Variants in SNX7 observed in about 807,000 individuals in gnomAD.
SNX7 encodes the protein sorting nexin-7.
A neutral mutation model predicts 48.4 loss-of-function variants in SNX7; 35 were observed. The ratio of observed to expected loss-of-function variants is 0.72; its 90% CI spans 0.55 to 0.96. The LOEUF is 0.96. Among genes scored for constraint, SNX7 ranks in the 40% least tolerant of loss-of-function variants. SNX7 has a pLI of 0.00. For missense variants in SNX7, 553 were observed against 548.9 expected, an observed-to-expected ratio of 1.01 and a Z score of -0.07; for synonymous variants, 190 against 190.2, an observed-to-expected ratio of 1.00 and a Z score of 0.01.
intron 7 of SNX7, among the ~76,000 whole-genome samples, chr1:98,715,709 C>A (rs1313072517): frequency 6.6e-6 from 1 of 152,180 alleles, no homozygotes; most frequent in Non-Finnish European, 1.5e-5. Flanking sequence ...GCTTCTGATA[C>A]AACAAAACGT....
In SNX7 at chr1:98,663,252, G is replaced by GTTTTTTT. The variant is rs1491348958; in HGVS notation, c.180+1341_180+1342insTTTTTTT. ...ATCAGAATCATCAGGGTTTCTTTCT[G>GTTTTTTT]GTTTTTTTTTTTTTTTTTTTTTTTT... On this transcript the variant is annotated intron_variant, in intron 1 of 8. Transcript: ENST00000306121. Among the ~76,000 whole-genome samples the GTTTTTTT allele has an allele frequency of 5.1e-4, 42 of 83,158 alleles. 18 individuals are homozygous for GTTTTTTT. The highest frequency in any genetic ancestry group is 0.011 in the Middle Eastern group (2 of 174). The allele number at this position is 83,158 out of a possible 152,430, so 54.6% of individuals were successfully genotyped here.
intron 7 of SNX7, among the ~76,000 whole-genome samples, chr1:98,717,951 A>G (rs1414765108): frequency 6.6e-6 from 1 of 152,132 alleles, no homozygotes; most frequent in African/African-American, 2.4e-5. Context: ...AATGCATTCA[A>G]AATAAACCTT....
At chr1:98,758,731 C>A (rs1310320542) in intron 8 of SNX7, among the ~76,000 whole-genome samples, 2 of 151,930 alleles carry the variant, frequency 1.3e-5, no homozygotes, top group Non-Finnish European at 2.9e-5. Flanking sequence ...TACCCAGTAT[C>A]TTTTTATTTG....
At chr1:98,711,912 G>C (rs1312530990) in intron 7 of SNX7, among the ~76,000 whole-genome samples, 1 of 152,150 alleles carries the variant, frequency 6.6e-6, no homozygotes, top group Admixed American at 6.5e-5. Flanking sequence ...ATAATATTCT[G>C]AGTTCTTTGT....
chr1:98,698,581 T>G (rs1651579555), intron 5 of SNX7, 125 bp from the exon 6 acceptor site: 2 of 843,392 alleles, frequency 2.4e-6, no homozygotes, highest in East Asian at 2.7e-5. Context: ...ATCCGTTTTC[T>G]TATGTTCTTG....
chr1:98,708,201 C>T (rs1337364994), intron 7 of SNX7, among the ~76,000 whole-genome samples: 2 of 152,178 alleles, frequency 1.3e-5, no homozygotes, highest in African/African-American at 2.4e-5. Flanking sequence ...GTCTGTCTCT[C>T]ATGCACAGAT....
chr1:98,671,882 T>G (rs1195922629), intron 1 of SNX7, among the ~76,000 whole-genome samples: 1 of 152,192 alleles, frequency 6.6e-6, no homozygotes, highest in East Asian at 1.9e-4. Flanking sequence ...ATAGTTTTAT[T>G]TTTAGATAAG....
chr1:98,707,569 G>C (rs781387723), intron 7 of SNX7, among the ~76,000 whole-genome samples: 1 of 152,106 alleles, frequency 6.6e-6, no homozygotes, highest in African/African-American at 2.4e-5. Context: ...AATAAATAAG[G>C]TTCATCTGTG....
chr1:98,736,109 A>G (rs1216579224), intron 7 of SNX7, among the ~76,000 whole-genome samples: 3 of 152,196 alleles, frequency 2.0e-5, no homozygotes, highest in African/African-American at 7.2e-5. Context: ...CAGTGACACC[A>G]TTATAAGCTC....
chr1:98,744,739 A>G (rs1214266325), intron 8 of SNX7, among the ~76,000 whole-genome samples: 1 of 152,034 alleles, frequency 6.6e-6, no homozygotes, highest in African/African-American at 2.4e-5. Context: ...ACATTTGAAG[A>G]GGTAATAAAA....
intron 7 of SNX7, among the ~76,000 whole-genome samples, chr1:98,727,375 C>G (rs958293202): frequency 5.9e-5 from 9 of 152,016 alleles, no homozygotes; most frequent in African/African-American, 1.9e-4. Context: ...GCTCAGCAAC[C>G]TCAAAGATTA....
rs551916599 is a variant in SNX7, at chr1:98,681,780, T to C, written c.181-3105T>C. Among the ~76,000 whole-genome samples, 5 of 152,224 alleles carry C rather than the reference T, an allele frequency of 3.3e-5. No homozygotes were observed. In the South Asian group the frequency reaches 1.0e-3, roughly 32 times the overall value. On this transcript the variant is annotated intron_variant, in intron 1 of 8. Transcript: ENST00000306121. ...TTTGGGACAGAGAAATTCAAAAGGG[T>C]CTGTGGATTAGACTGTTGTATTGCG...
intron 7 of SNX7, among the ~76,000 whole-genome samples, chr1:98,727,644 G>C (rs979437958): frequency 1.3e-5 from 2 of 151,888 alleles, no homozygotes; most frequent in Admixed American, 1.3e-4. Context: ...AACATTACAG[G>C]CATTACAGGA....
At position 98,697,810 on chromosome 1, in the gene SNX7, A is replaced by G. The variant is rs569183184; in HGVS notation, c.839-896A>G. Among the ~76,000 whole-genome samples, 355 of 152,274 alleles carry G rather than the reference A, an allele frequency of 2.3e-3. 1 individual carries two copies. Among genetic ancestry groups the G allele is most frequent in the Non-Finnish European group, 4.1e-3 (276 of 67,978 alleles). ...AAGCTCATTGAGGGCCAAAGCATCT[A>G]TGAATCCTTTGGAACAGAATCAGAG... On this transcript the variant is annotated intron_variant, in intron 5 of 8. Coordinates refer to ENST00000306121, the MANE Select transcript of SNX7 (RefSeq NM_015976.5).
intron 2 of SNX7, among the ~76,000 whole-genome samples, chr1:98,690,644 T>C (rs1046329637): frequency 2.0e-5 from 3 of 152,098 alleles, no homozygotes; most frequent in Admixed American, 6.5e-5. Context: ...TACATTCAGG[T>C]TATTTTCCAA....
chr1:98,736,412 C>T (rs1176425935), intron 7 of SNX7, among the ~76,000 whole-genome samples: 2 of 152,170 alleles, frequency 1.3e-5, no homozygotes, highest in East Asian at 3.9e-4. Context: ...GACCCAGATC[C>T]TGTTTGAGTT....
At chr1:98,662,819 A>G (rs957405812) in intron 1 of SNX7, 1 of 1,289,188 alleles carries the variant, frequency 7.8e-7, no homozygotes, top group African/African-American at 1.5e-5. Flanking sequence ...GATATTAGGT[A>G]AAGCAAACGA....
In SNX7 at chr1:98,691,175, T is replaced by C. The variant is rs1651101503; in HGVS notation, c.464T>C (p.Leu155Pro). 2 of 1,598,458 alleles carry C rather than the reference T, an allele frequency of 1.3e-6. No homozygotes were observed. Among genetic ancestry groups the C allele is most frequent in the African/African-American group, 1.3e-5 (1 of 74,084 alleles). The change falls in exon 3 of 9, where the codon CTG becomes CCG. Residue 155 changes from leucine (L) to proline (P), a missense_variant. By Grantham distance (98) the Leu-to-Pro change is moderately conservative. Coordinates refer to ENST00000306121, the MANE Select transcript of SNX7 (RefSeq NM_015976.5). ...AAACTGGAAGAAGCACACCCCACTCTGATTATTCCAGTAAGTTTGCAAAAT... is the reference window on the plus strand; with the variant it reads ...AAACTGGAAGAAGCACACCCCACTCCGATTATTCCAGTAAGTTTGCAAAAT... ...KGKLEEAHPTLIIPPLPEKFI... is the reference protein window; with the variant it reads ...KGKLEEAHPTPIIPPLPEKFI...
intron 5 of SNX7, among the ~76,000 whole-genome samples, chr1:98,698,484 G>A (rs1265707171): frequency 6.6e-6 from 1 of 152,040 alleles, no homozygotes; most frequent in Admixed American, 6.6e-5. Flanking sequence ...GAAAAGGTAT[G>A]TTATTATTGA....
Sources: allele counts gnomAD v4.1 joint callset (sites outside exome capture counted in the v4.1 genomes callset), GRCh38; gene constraint gnomAD v4.1.1; transcripts MANE v1.5; gene names NCBI Gene and HGNC (gene_info 2026-07-23, HGNC 2026-07-21).